Variants in DSCAML1 observed in about 807,000 individuals in gnomAD.
DSCAML1 encodes the protein cell adhesion molecule DSCAML1.
Under a neutral mutation model 200.5 loss-of-function variants are expected in DSCAML1, and 38 were observed. The observed-to-expected ratio is 0.19, with a 90% CI of 0.15 to 0.25. The LOEUF (loss-of-function observed/expected upper bound fraction) is 0.25, where lower values mean the gene tolerates loss of function less well. Among genes scored for constraint, DSCAML1 ranks in the 10% least tolerant of loss-of-function variants. The pLI, the probability that DSCAML1 is intolerant of heterozygous loss-of-function variation, is 1.00. For synonymous variants in DSCAML1, 1,215 were observed against 1,165.0 expected (o/e 1.04, Z -0.87); for missense variants, 2,223 against 2,858.8 (o/e 0.78, Z 5.07).
intron 3 of DSCAML1, among the ~76,000 whole-genome samples, chr11:117,749,357 C>A (rs2054567068): frequency 6.6e-6 from 1 of 152,240 alleles, no homozygotes; most frequent in African/African-American, 2.4e-5. Context: ...GAGCCTTCCT[C>A]CCAGAAGCAG....
At chr11:117,713,261 G>A (rs770204472) in intron 3 of DSCAML1, among the ~76,000 whole-genome samples, 9 of 152,040 alleles carry the variant, frequency 5.9e-5, no homozygotes, top group South Asian at 2.1e-4. Context: ...AATTACAGGC[G>A]CACGCCACCA....
chr11:117,451,498 T>G (rs998300134), intron 19 of DSCAML1, among the ~76,000 whole-genome samples: 1 of 152,222 alleles, frequency 6.6e-6, no homozygotes, highest in African/African-American at 2.4e-5. Context: ...AGATAAGAAC[T>G]CTATTAAAAG....
At chr11:117,679,082 G>A (rs370023669) in intron 3 of DSCAML1, among the ~76,000 whole-genome samples, 5 of 152,356 alleles carry the variant, frequency 3.3e-5, no homozygotes, top group African/African-American at 9.6e-5. Flanking sequence ...ACTTCAGGTC[G>A]GCCTGGGCCA....
chr11:117,526,681 C>T (rs937978720), intron 4 of DSCAML1, among the ~76,000 whole-genome samples: 1 of 152,032 alleles, frequency 6.6e-6, no homozygotes, highest in African/African-American at 2.4e-5. Context: ...CCATGCCCAG[C>T]TAATTTTTGT....
chr11:117,809,816 G>A (rs1261380263), intron 1 of DSCAML1, among the ~76,000 whole-genome samples: 1 of 151,966 alleles, frequency 6.6e-6, no homozygotes, highest in East Asian at 1.9e-4. Flanking sequence ...AACTAGCAAC[G>A]CACAACACAC....
At chr11:117,647,556 G>A (rs2052542539) in intron 3 of DSCAML1, among the ~76,000 whole-genome samples, 1 of 152,214 alleles carries the variant, frequency 6.6e-6, no homozygotes, top group Non-Finnish European at 1.5e-5. Context: ...GCCACTCCAG[G>A]CTGAGGCCTG....
intron 32 of DSCAML1, 33 bp from the exon 33 acceptor site, chr11:117,428,836 A>C (rs1467646340): frequency 2.6e-6 from 4 of 1,540,772 alleles, no homozygotes; most frequent in Non-Finnish European, 8.7e-7. Flanking sequence ...TGTTACAGAG[A>C]GTCATAGCCC....
In DSCAML1 at chr11:117,437,145, A is replaced by T; in HGVS notation, c.4697T>A (p.Phe1566Tyr). ...ACTGCCATCGTAGTCCAGGGTGGCG[A>T]ACTGGGCTGTTTCATTGCCGCAGCC... ...SAGCGNETAQ[F>Y]ATLDYDGSTI... Residue 1566 changes from phenylalanine (F) to tyrosine (Y), a missense_variant, in exon 26 of 33, where the codon TTC becomes TAC. This residue lies in a region of DSCAML1 where 614 missense variants were observed against 739.1 expected (regional missense o/e 0.83). Transcript: ENST00000651296. The surrounding 1 kb of genome is among the most constrained non-coding windows in gnomAD (Gnocchi z 5.3). 1 of 1,613,678 alleles carries T rather than the reference A, an allele frequency of 6.2e-7. No individual in the cohort carries two copies. The highest frequency in any genetic ancestry group is 1.1e-5 in the South Asian group (1 of 91,046).
chr11:117,563,518 G>A (rs1433334338), intron 3 of DSCAML1, among the ~76,000 whole-genome samples: 1 of 152,150 alleles, frequency 6.6e-6, no homozygotes, highest in Non-Finnish European at 1.5e-5. Context: ...AGATGTAAAG[G>A]AAGCTCCGTG....
At chr11:117,705,858 C>G (rs2053750327) in intron 3 of DSCAML1, among the ~76,000 whole-genome samples, 1 of 152,120 alleles carries the variant, frequency 6.6e-6, no homozygotes, top group Non-Finnish European at 1.5e-5. Flanking sequence ...AATCTTGGAG[C>G]CTCAATTTTC....
intron 3 of DSCAML1, among the ~76,000 whole-genome samples, chr11:117,690,476 A>G (rs1218744703): frequency 6.6e-6 from 1 of 152,270 alleles, no homozygotes; most frequent in Non-Finnish European, 1.5e-5. Flanking sequence ...CATTGGATAC[A>G]GCAGTGGCCA....
At chr11:117,687,074 T>A (rs905178879) in intron 3 of DSCAML1, among the ~76,000 whole-genome samples, 1 of 152,080 alleles carries the variant, frequency 6.6e-6, no homozygotes, top group African/African-American at 2.4e-5. Context: ...GATGTCTACA[T>A]GCAGAATGTG....
intron 17 of DSCAML1, among the ~76,000 whole-genome samples, chr11:117,462,827 C>G (rs74920562): frequency 9.3e-4 from 142 of 152,282 alleles, no homozygotes; most frequent in African/African-American, 3.2e-3. Flanking sequence ...GACAGGCTAA[C>G]GAGGGCCTTA....
At chr11:117,501,202 A>G (rs976189655) in intron 11 of DSCAML1, among the ~76,000 whole-genome samples, 7 of 152,112 alleles carry the variant, frequency 4.6e-5, no homozygotes, top group Admixed American at 4.6e-4. Flanking sequence ...GAAAGAAAAG[A>G]GCAGGCAAGG....
chr11:117,551,906 T>C (rs1357183081), intron 3 of DSCAML1, among the ~76,000 whole-genome samples: 1 of 151,638 alleles, frequency 6.6e-6, no homozygotes, highest in Non-Finnish European at 1.5e-5. Flanking sequence ...GGACACGAGA[T>C]GAGGAGTATT....
chr11:117,686,545 G>A (rs2053403073), intron 3 of DSCAML1, among the ~76,000 whole-genome samples: 1 of 152,206 alleles, frequency 6.6e-6, no homozygotes. Flanking sequence ...CTGGGCACAT[G>A]CCCCCCGGCA....
chr11:117,761,960 A>C (rs1295500672), intron 3 of DSCAML1, among the ~76,000 whole-genome samples: 1 of 152,232 alleles, frequency 6.6e-6, no homozygotes, highest in Non-Finnish European at 1.5e-5. Context: ...AGTTATATCA[A>C]GCTATTCACA....
intron 3 of DSCAML1, among the ~76,000 whole-genome samples, chr11:117,598,603 G>C (rs553401267): frequency 7.2e-5 from 11 of 152,150 alleles, no homozygotes; most frequent in Non-Finnish European, 1.0e-4. Flanking sequence ...TTCAGAGACT[G>C]ATCTAACTGA....
intron 3 of DSCAML1, among the ~76,000 whole-genome samples, chr11:117,681,020 A>G (rs1427665739): frequency 6.6e-6 from 1 of 152,112 alleles, no homozygotes; most frequent in Non-Finnish European, 1.5e-5. Context: ...TGCTCCCCAC[A>G]TTCCCTCATC....
Sources: gnomAD v4.1 joint callset for allele counts (sites outside exome capture counted in the v4.1 genomes callset) on GRCh38, gnomAD v4.1.1 for gene constraint, gnomAD v4.1.1 regional missense constraint, Gnocchi (gnomAD v3.1) non-coding constraint, MANE v1.5 for transcripts, NCBI Gene and HGNC (gene_info 2026-07-23, HGNC 2026-07-21) for gene names.